PTDSS1: variants seen among roughly 807,000 people sequenced by gnomAD.
The protein encoded by PTDSS1 is phosphatidylserine synthase 1.
PTDSS1 carries 45 observed loss-of-function variants against 70.5 expected under a neutral mutation model. The ratio of observed to expected loss-of-function variants is 0.64; its 90% confidence interval spans 0.50 to 0.82. The LOEUF (loss-of-function observed/expected upper bound fraction) is 0.82, where lower values mean the gene tolerates loss of function less well. Ranked by LOEUF, PTDSS1 falls within the 40% of genes least tolerant of loss-of-function variation. The probability of loss-of-function intolerance (pLI) is 0.00; values close to 1 mark genes in which losing one functional copy is unlikely to be tolerated. For missense variants in PTDSS1, 417 were observed against 586.1 expected, an observed-to-expected ratio of 0.71 and a Z score of 2.98; for synonymous variants, 188 against 203.8, an observed-to-expected ratio of 0.92 and a Z score of 0.66.
chr8:96,281,839 C>T (rs1370775574), intron 2 of PTDSS1, among the ~76,000 whole-genome samples: 1 of 152,148 alleles, frequency 6.6e-6, no homozygotes, highest in Non-Finnish European at 1.5e-5. Flanking sequence ...TGCATGACCC[C>T]GGGCAGGTTC....
At chr8:96,331,377 A>T (rs995277495) in intron 12 of PTDSS1, among the ~76,000 whole-genome samples, 1 of 151,956 alleles carries the variant, frequency 6.6e-6, no homozygotes, top group African/African-American at 2.4e-5. Context: ...AAAAATACAG[A>T]AATTAGCCAG....
intron 11 of PTDSS1, 48 bp downstream of exon 11, chr8:96,330,329 G>A (rs373131737): frequency 1.6e-5 from 25 of 1,550,946 alleles, no homozygotes; most frequent in African/African-American, 6.8e-5. Flanking sequence ...TAATCACCCC[G>A]GGCTCGGCAA....
At chr8:96,266,286 G>A (rs1810486757) in intron 1 of PTDSS1, among the ~76,000 whole-genome samples, 1 of 152,210 alleles carries the variant, frequency 6.6e-6, no homozygotes, top group African/African-American at 2.4e-5. Flanking sequence ...GCGGATTTGT[G>A]TACTTAAGTG....
chr8:96,287,426 T>C, intron 4 of PTDSS1: 1 of 390,356 alleles, frequency 2.6e-6, no homozygotes, highest in Non-Finnish European at 4.6e-6. Flanking sequence ...TACTTGGTAG[T>C]TGTGGGACTT....
At chr8:96,283,509 T>C (rs1220461461) in intron 2 of PTDSS1, 1 of 152,274 alleles carries the variant, frequency 6.6e-6, no homozygotes, top group East Asian at 1.9e-4. Flanking sequence ...TGCATGTGTC[T>C]GAACTGGATT....
chr8:96,281,858 C>A (rs1047877777), intron 2 of PTDSS1, among the ~76,000 whole-genome samples: 8 of 152,182 alleles, frequency 5.3e-5, no homozygotes, highest in Admixed American at 2.0e-4. Flanking sequence ...TCCTCTGCCT[C>A]AGTACCCTTA....
chr8:96,263,239 T>C (rs760720835), intron 1 of PTDSS1, among the ~76,000 whole-genome samples: 3 of 152,218 alleles, frequency 2.0e-5, no homozygotes, highest in Admixed American at 6.5e-5. Flanking sequence ...TCCTCATTCC[T>C]AACCTAGAGA....
intron 9 of PTDSS1, among the ~76,000 whole-genome samples, chr8:96,314,267 G>A (rs945376590): frequency 3.3e-5 from 5 of 151,794 alleles, no homozygotes; most frequent in African/African-American, 1.2e-4. Context: ...GGCTGGTCTT[G>A]AACTCCTGGA....
chr8:96,327,111 G>A (rs1388950953), intron 10 of PTDSS1, among the ~76,000 whole-genome samples: 2 of 152,198 alleles, frequency 1.3e-5, no homozygotes, highest in Non-Finnish European at 1.5e-5. Flanking sequence ...ACAGGTGGAA[G>A]TGTCCTGTTT....
At chr8:96,309,861 A>G (rs938611964) in intron 9 of PTDSS1, among the ~76,000 whole-genome samples, 1 of 152,156 alleles carries the variant, frequency 6.6e-6, no homozygotes, top group African/African-American at 2.4e-5. Context: ...ACAAGAGTAT[A>G]GAAATGGCTC....
At chr8:96,289,296 C>T (rs552289888) in intron 4 of PTDSS1, among the ~76,000 whole-genome samples, 9 of 152,248 alleles carry the variant, frequency 5.9e-5, no homozygotes, top group African/African-American at 2.2e-4. Context: ...ACTGAAAGTT[C>T]TAGGCTTCTA....
chr8:96,276,356 G>A (rs1444646874), intron 2 of PTDSS1, among the ~76,000 whole-genome samples: 1 of 152,198 alleles, frequency 6.6e-6, no homozygotes, highest in Non-Finnish European at 1.5e-5. Flanking sequence ...GTTCCCCAAT[G>A]AAGTCCTCTA....
chr8:96,285,783 A>G (rs1810814383), intron 3 of PTDSS1, among the ~76,000 whole-genome samples: 1 of 152,122 alleles, frequency 6.6e-6, no homozygotes. Context: ...CCCAACCAAG[A>G]ACTCCAGATT....
At position 96,320,231 on chromosome 8, in the gene PTDSS1, T is replaced by C; in HGVS notation, c.1074-15T>C. Reference sequence around the variant, plus strand: ...AGATGGATTAATACTTAACCTCTGTTCTCTGTCTAATTAGGGTCATTGGTT... The same window carrying C: ...AGATGGATTAATACTTAACCTCTGTCCTCTGTCTAATTAGGGTCATTGGTT... On this transcript the variant is annotated splice_polypyrimidine_tract_variant and intron_variant, in intron 9 of 12. Transcript: ENST00000517309. 6.4e-7 allele frequency: 1 copy of C among 1,567,844 alleles called. No individual in the cohort carries two copies. The highest frequency in any genetic ancestry group is 1.7e-5 in the Admixed American group (1 of 59,936).
intron 6 of PTDSS1, among the ~76,000 whole-genome samples, chr8:96,301,226 T>C (rs1009075485): frequency 9.9e-5 from 15 of 152,076 alleles, no homozygotes; most frequent in Non-Finnish European, 1.5e-4. Context: ...GCCTCTCAAG[T>C]AGCTGGGACT....
chr8:96,330,891 C>T, intron 11 of PTDSS1, 135 bp from the exon 12 acceptor site: 1 of 673,496 alleles, frequency 1.5e-6, no homozygotes, highest in East Asian at 2.6e-5. Flanking sequence ...AATATAAGCA[C>T]AGGGAGGTTC....
intron 2 of PTDSS1, among the ~76,000 whole-genome samples, chr8:96,279,987 C>T (rs1201083341): frequency 2.0e-5 from 3 of 152,010 alleles, no homozygotes; most frequent in Non-Finnish European, 4.4e-5. Context: ...AGCCTCTGGC[C>T]TGAGGATACA....
At chr8:96,314,105 A>G (rs1240510320) in intron 9 of PTDSS1, among the ~76,000 whole-genome samples, 1 of 151,610 alleles carries the variant, frequency 6.6e-6, no homozygotes, top group East Asian at 2.0e-4. Flanking sequence ...GTTGAGTGGC[A>G]GTGATCACAG....
chr8:96,329,517 T>TG (rs1037302846), intron 10 of PTDSS1, among the ~76,000 whole-genome samples: 4 of 152,192 alleles, frequency 2.6e-5, no homozygotes, highest in Non-Finnish European at 4.4e-5. Flanking sequence ...ATTTAGGGTG[T>TG]GGGGGCAGGC....
Sources: allele counts gnomAD v4.1 joint callset (sites outside exome capture counted in the v4.1 genomes callset), GRCh38; gene constraint gnomAD v4.1.1; transcripts MANE v1.5; gene names NCBI Gene and HGNC (gene_info 2026-07-23, HGNC 2026-07-21).